Variants in ICE1 observed in about 807,000 individuals in gnomAD.
The protein encoded by ICE1 is interactor of little elongation complex ELL subunit 1, also known as little elongation complex subunit 1.
ICE1 carries 64 observed loss-of-function variants against 192.7 expected under a neutral mutation model. The observed-to-expected ratio is 0.33, with a 90% CI of 0.27 to 0.41. The LOEUF is 0.41. Among genes scored for constraint, ICE1 ranks in the 10% least tolerant of loss-of-function variants. ICE1 has a pLI of 1.00. For synonymous variants in ICE1, 1,010 were observed against 984.5 expected (o/e 1.03, Z -0.49); for missense variants, 2,708 against 2,696.0 (o/e 1.00, Z -0.10).
At chr5:5,426,626 G>C (rs1737528509) in intron 1 of ICE1, among the ~76,000 whole-genome samples, 1 of 152,122 alleles carries the variant, frequency 6.6e-6, no homozygotes, top group Non-Finnish European at 1.5e-5. Context: ...TTTGATGAAG[G>C]GGAACATGGA....
Position 5,464,874 on chromosome 5 carries a change from G to A in ICE1, c.5540G>A (p.Arg1847Lys). 6.2e-7 allele frequency: 1 copy of A among 1,613,180 alleles called. No individual in the cohort carries two copies. Among genetic ancestry groups the A allele is most frequent in the Non-Finnish European group, 8.5e-7 (1 of 1,179,482 alleles). The change falls in exon 13 of 19, where the codon AGA (arginine) becomes AAA (lysine). Residue 1847 changes from arginine to lysine, a missense_variant. Coordinates refer to ENST00000296564, the MANE Select transcript of ICE1 (RefSeq NM_015325.3). The surrounding 1 kb of genome is among the most constrained non-coding windows in gnomAD (Gnocchi z 4.0). ...LSTSTLRSAK[R>K]LRLDTGSPEP... ...ACGTCTACACTGAGAAGTGCTAAAA[G>A]ACTGCGCCTGGACACTGGGTCCCCA...
rs1407849880 is a variant in ICE1, at chr5:5,489,070, A to G, written c.6620-79A>G. ...AGAAAGCATTCTGTATTTGAATAGT[A>G]TTCCAGTAGGTTACATCACTAAAAT... On this transcript the variant is annotated intron_variant, in intron 18 of 18. Coordinates refer to ENST00000296564, the MANE Select transcript of ICE1 (RefSeq NM_015325.3). 7 of 1,168,748 alleles carry G rather than the reference A, an allele frequency of 6.0e-6. No individual in the cohort carries two copies. In the East Asian group the frequency reaches 1.5e-4, roughly 24 times the overall value. The allele number at this position is 1,168,748 out of a possible 1,614,324, so 72.4% of individuals were successfully genotyped here. A position where few individuals can be genotyped will look rare whatever the true frequency, so the allele number is the denominator to read the frequency against.
Position 5,442,373 on chromosome 5 carries a change from A to G in ICE1, c.310-795A>G, listed in dbSNP as rs1426388852. On this transcript the variant is annotated intron_variant, in intron 5 of 18. Coordinates refer to ENST00000296564, the MANE Select transcript of ICE1 (RefSeq NM_015325.3). ...CTGAGGTCTTACGTGCTTTAATAGT[A>G]CATACTTATTTTCCTCTTTATAGAA... Among the ~76,000 whole-genome samples, 6 of 152,328 alleles carry G rather than the reference A, an allele frequency of 3.9e-5. No individual in the cohort carries two copies. In the East Asian group the frequency reaches 1.2e-3, roughly 29 times the overall value.
chr5:5,443,104 A>C (rs1738097127), intron 5 of ICE1, 64 bp from the exon 6 acceptor site: 1 of 904,826 alleles, frequency 1.1e-6, no homozygotes, highest in Admixed American at 3.1e-5. Context: ...AAGGCAAAGC[A>C]AGTTATGACC....
At chr5:5,436,574 TAG>T in intron 2 of ICE1, 98 bp downstream of exon 2, 1 of 594,564 alleles carries the variant, frequency 1.7e-6, no homozygotes, top group Non-Finnish European at 2.8e-6. Context: ...GAATGAACAC[TAG>T]AGTTTCTCCT....
chr5:5,434,716 T>C (rs1051803119), intron 1 of ICE1, among the ~76,000 whole-genome samples: 3 of 152,156 alleles, frequency 2.0e-5, no homozygotes, highest in Non-Finnish European at 4.4e-5. Flanking sequence ...GAAAAAATTA[T>C]CACTGTGTGT....
Position 5,457,313 on chromosome 5 carries a change from C to T in ICE1, c.692-19C>T. On this transcript the variant is annotated intron_variant, in intron 11 of 18. Coordinates refer to ENST00000296564, the MANE Select transcript of ICE1 (RefSeq NM_015325.3). ...TGATATTGTAAATACCTGATACCTACTTTTGTTCCCCCACATAGAAAAACC... is the reference window on the plus strand; with the variant it reads ...TGATATTGTAAATACCTGATACCTATTTTTGTTCCCCCACATAGAAAAACC... The T allele has an allele frequency of 6.4e-7, 1 of 1,565,120 alleles. No individual in the cohort carries two copies. Among genetic ancestry groups the T allele is most frequent in the Non-Finnish European group, 8.6e-7 (1 of 1,157,854 alleles).
At chr5:5,478,823 A>C (rs1739415510) in intron 17 of ICE1, among the ~76,000 whole-genome samples, 1 of 152,210 alleles carries the variant, frequency 6.6e-6, no homozygotes. Context: ...TCTTTGACAA[A>C]CCTGATAAAA....
At chr5:5,430,110 C>A (rs760329024) in intron 1 of ICE1, among the ~76,000 whole-genome samples, 1 of 152,182 alleles carries the variant, frequency 6.6e-6, no homozygotes, top group Admixed American at 6.5e-5. Context: ...CTTAGTATCT[C>A]CTGGAGAGGA....
At chr5:5,488,180 G>T (rs1239008978) in intron 18 of ICE1, among the ~76,000 whole-genome samples, 3 of 152,176 alleles carry the variant, frequency 2.0e-5, no homozygotes, top group African/African-American at 7.2e-5. Flanking sequence ...AATATTAAGA[G>T]CTGCAGTTGT....
In ICE1 at chr5:5,458,589, T is replaced by A. The variant is rs533686849; in HGVS notation, c.1101+848T>A. Among the ~76,000 whole-genome samples, 211 of 152,288 alleles carry A rather than the reference T, an allele frequency of 1.4e-3. 1 individual carries two copies. The highest frequency in any genetic ancestry group is 4.6e-3 in the African/African-American group (191 of 41,558). On this transcript the variant is annotated intron_variant, in intron 12 of 18. Coordinates refer to ENST00000296564, the MANE Select transcript of ICE1 (RefSeq NM_015325.3). ...AGTTTTAAGGTGTGAGTGGGGTTGC[T>A]TCAGGTGGAGGAGCTGTTCTCACAA... is the stretch of plus-strand genomic sequence containing the variant.
chr5:5,427,156 T>C (rs764626927), intron 1 of ICE1, among the ~76,000 whole-genome samples: 3 of 152,222 alleles, frequency 2.0e-5, no homozygotes, highest in Non-Finnish European at 4.4e-5. Flanking sequence ...GATTCAGAAG[T>C]GTGCAGATTG....
Position 5,466,490 on chromosome 5 carries a change from C to T in ICE1, c.6049C>T (p.Leu2017=). The change falls in exon 14 of 19, where the codon CTA becomes TTA. Residue 2017 remains leucine, a synonymous_variant. Coordinates refer to ENST00000296564, the MANE Select transcript of ICE1 (RefSeq NM_015325.3). ...AAGAGCTCGTTTGTTTTGCTACAGCCTACTTAAAGAAGGTATGCTTAGATT... is the reference window on the plus strand; with the variant it reads ...AAGAGCTCGTTTGTTTTGCTACAGCTTACTTAAAGAAGGTATGCTTAGATT... ...LERARLFCYS[L]LKEDFPESEK... The T allele has an allele frequency of 6.2e-7, 1 of 1,606,406 alleles. No homozygotes were observed.
intron 10 of ICE1, among the ~76,000 whole-genome samples, chr5:5,449,261 TCTG>T (rs1738342530): frequency 6.6e-6 from 1 of 152,208 alleles, no homozygotes; most frequent in Non-Finnish European, 1.5e-5. Flanking sequence ...TTTCTGGGAA[TCTG>T]CTGGTTATTT....
Position 5,463,368 on chromosome 5 carries a change from G to T in ICE1, c.4034G>T (p.Arg1345Ile). ...GMPQNENPQS[R>I]PEARSDAGRQ... ...CCTCAGAATGAAAACCCTCAGAGCA[G>T]ACCAGAGGCCCGTTCAGATGCAGGC... Residue 1345 changes from arginine to isoleucine, a missense_variant, in exon 13 of 19, where the codon AGA becomes ATA. By Grantham distance (97) the Arg-to-Ile change is moderately conservative. Transcript: ENST00000296564. 1 of 1,613,850 alleles carries T rather than the reference G, an allele frequency of 6.2e-7. No individual in the cohort carries two copies. The highest frequency in any genetic ancestry group is 1.1e-5 in the South Asian group (1 of 91,030).
chr5:5,467,842 G>C (rs1739033025), intron 14 of ICE1, among the ~76,000 whole-genome samples: 1 of 152,166 alleles, frequency 6.6e-6, no homozygotes, highest in Admixed American at 6.5e-5. Flanking sequence ...ACTTTGGAAG[G>C]CTCTTTGACA....
intron 4 of ICE1, 34 bp downstream of exon 4, chr5:5,439,947 C>T (rs1479572583): frequency 1.4e-6 from 2 of 1,462,588 alleles, no homozygotes; most frequent in Admixed American, 4.6e-5. Context: ...TATGATACCA[C>T]CTATATGAGT....
intron 1 of ICE1, among the ~76,000 whole-genome samples, 197 bp from the exon 2 acceptor site, chr5:5,436,221 G>T (rs1737868913): frequency 6.6e-6 from 1 of 152,126 alleles, no homozygotes; most frequent in South Asian, 2.1e-4. Flanking sequence ...TGTTAAAGGA[G>T]TACTATCATT....
At chr5:5,474,902 C>A (rs949661891) in intron 16 of ICE1, among the ~76,000 whole-genome samples, 1 of 152,214 alleles carries the variant, frequency 6.6e-6, no homozygotes, top group Non-Finnish European at 1.5e-5. Flanking sequence ...GGAATCAAAT[C>A]ATGGCACTCC....
Sources: allele counts gnomAD v4.1 joint callset (sites outside exome capture counted in the v4.1 genomes callset), GRCh38; gene constraint gnomAD v4.1.1; non-coding constraint Gnocchi (gnomAD v3.1); transcripts MANE v1.5; gene names NCBI Gene and HGNC (gene_info 2026-07-23, HGNC 2026-07-21).